SLC1A7: variants seen among roughly 807,000 people sequenced by gnomAD.
SLC1A7 encodes the protein excitatory amino acid transporter 5.
SLC1A7 carries 40 observed loss-of-function variants against 47.7 expected under a neutral mutation model. The observed-to-expected ratio is 0.84, with a 90% CI of 0.65 to 1.09. The LOEUF is 1.09. Among genes scored for constraint, SLC1A7 ranks in the 50% least tolerant of loss-of-function variants. SLC1A7 has a pLI of 0.00. For missense variants in SLC1A7, 746 were observed against 769.5 expected, an observed-to-expected ratio of 0.97 and a Z score of 0.36; for synonymous variants, 323 against 325.6, an observed-to-expected ratio of 0.99 and a Z score of 0.09.
intron 3 of SLC1A7, among the ~76,000 whole-genome samples, chr1:53,109,359 A>G (rs939833474): frequency 6.6e-6 from 1 of 152,194 alleles, no homozygotes; most frequent in Non-Finnish European, 1.5e-5. Flanking sequence ...TCGAAAAAAA[A>G]GAGAAGGGGC....
At chr1:53,089,727 C>T (rs1195699823) in intron 9 of SLC1A7, 73 bp downstream of exon 9, 29 of 1,530,332 alleles carry the variant, frequency 1.9e-5, no homozygotes, top group Non-Finnish European at 3.6e-6. Context: ...GACTCAGCCG[C>T]TCACCCTGAT....
chr1:53,141,540 G>T (rs1193140969), intron 1 of SLC1A7, among the ~76,000 whole-genome samples: 2 of 151,970 alleles, frequency 1.3e-5, no homozygotes, highest in African/African-American at 4.8e-5. Context: ...ACAGGGAAAG[G>T]GGCTCTTTCC....
intron 4 of SLC1A7, among the ~76,000 whole-genome samples, chr1:53,105,025 T>A (rs1557676117): frequency 6.6e-6 from 1 of 152,004 alleles, no homozygotes; most frequent in Non-Finnish European, 1.5e-5. Context: ...TTTTAAGAAA[T>A]ATTTCATAAC....
In SLC1A7 at chr1:53,088,999, G is replaced by A. The variant is rs901277354; in HGVS notation, c.1362-20C>T. On this transcript the variant is annotated intron_variant, in intron 9 of 10. Coordinates refer to ENST00000371494, the MANE Select transcript of SLC1A7 (RefSeq NM_006671.6). ...CGGTCCCTGGTGAGCCAAGGTTGGG[G>A]GTGAGTGGTGGGCACTTGAAGGGGA... 7.5e-6 allele frequency: 12 copies of A among 1,598,008 alleles called. No individual in the cohort carries two copies. The Admixed American group carries it at 8.3e-5, about 11-fold the overall frequency.
chr1:53,095,521 G>A (rs898785688), intron 5 of SLC1A7, among the ~76,000 whole-genome samples: 7 of 145,028 alleles, frequency 4.8e-5, no homozygotes, highest in African/African-American at 1.0e-4. Flanking sequence ...ACTCTGCCTC[G>A]TTACACTCAC....
At chr1:53,099,516 A>G (rs1285316181) in intron 5 of SLC1A7, among the ~76,000 whole-genome samples, 4 of 117,614 alleles carry the variant, frequency 3.4e-5, no homozygotes, top group Non-Finnish European at 5.6e-5. Context: ...CACTCACACC[A>G]CCTTGGTACA....
In SLC1A7 at chr1:53,089,933, T is replaced by C. The variant is rs771049177; in HGVS notation, c.1228A>G (p.Ile410Val). ...CCAATGCTGGCTGCAGTGGCTGTGA[T>C]ACTGCAGGGGGTGGGAAGGGGAAGA... ...LDFGQIITIS[I>V]TATAASIGAA... The change falls in exon 9 of 11, where the codon ATC becomes GTC. Residue 410 changes from isoleucine to valine, a missense_variant and splice_region_variant. By Grantham distance (29) the Ile-to-Val change is conservative. Coordinates refer to ENST00000371494, the MANE Select transcript of SLC1A7 (RefSeq NM_006671.6). The C allele has an allele frequency of 7.4e-6, 12 of 1,613,006 alleles. No homozygotes were observed. Among genetic ancestry groups the C allele is most frequent in the Non-Finnish European group, 1.0e-5 (12 of 1,179,720 alleles).
chr1:53,102,083 G>C (rs1199256781), intron 5 of SLC1A7, among the ~76,000 whole-genome samples: 2 of 152,226 alleles, frequency 1.3e-5, no homozygotes, highest in Non-Finnish European at 2.9e-5. Context: ...TATGTTCCCA[G>C]CCCTGAGAAA....
intron 1 of SLC1A7, among the ~76,000 whole-genome samples, chr1:53,139,855 A>C (rs186289813): frequency 3.8e-4 from 58 of 152,282 alleles, no homozygotes; most frequent in African/African-American, 1.4e-3. Flanking sequence ...AATTCTAGGA[A>C]GGAGGGAAAA....
chr1:53,101,383 C>A (rs1245314785), intron 5 of SLC1A7, among the ~76,000 whole-genome samples: 1 of 148,332 alleles, frequency 6.7e-6, no homozygotes, highest in East Asian at 2.0e-4. Context: ...CACACACTGC[C>A]CCATTACACT....
intron 5 of SLC1A7, among the ~76,000 whole-genome samples, chr1:53,101,835 A>ACACTCAGTACACTCACACGCC (rs1644586498): frequency 7.2e-6 from 1 of 139,254 alleles, no homozygotes. Flanking sequence ...ACTCACACGC[A>ACACTCAGTACACTCACACGCC]CACTCAGTAC....
chr1:53,128,496 T>C (rs1644907359), intron 2 of SLC1A7, among the ~76,000 whole-genome samples: 1 of 96,278 alleles, frequency 1.0e-5, no homozygotes, highest in African/African-American at 3.8e-5. Flanking sequence ...CAAAAAAGAA[T>C]AGGAATTCAT....
intron 2 of SLC1A7, among the ~76,000 whole-genome samples, chr1:53,129,962 C>T (rs1431711441): frequency 6.6e-6 from 1 of 152,158 alleles, no homozygotes; most frequent in East Asian, 1.9e-4. Context: ...TTGACAGTGG[C>T]TTTCTTGTTC....
chr1:53,132,362 G>A (rs1644950175), intron 2 of SLC1A7, among the ~76,000 whole-genome samples: 1 of 152,198 alleles, frequency 6.6e-6, no homozygotes, highest in African/African-American at 2.4e-5. Flanking sequence ...GGGTTGGGAG[G>A]AAGCTCCATT....
intron 6 of SLC1A7, 68 bp from the exon 7 acceptor site, chr1:53,092,855 T>A: frequency 9.7e-7 from 1 of 1,033,498 alleles, no homozygotes; most frequent in South Asian, 1.3e-5. Context: ...CAGCCCCGCA[T>A]CGCTGCGCGG....
At chr1:53,100,859 T>A (rs1420729896) in intron 5 of SLC1A7, among the ~76,000 whole-genome samples, 6 of 149,194 alleles carry the variant, frequency 4.0e-5, no homozygotes, top group Admixed American at 2.0e-4. Flanking sequence ...CCCGCCTCAG[T>A]ACACTCACAC....
chr1:53,135,853 C>T (rs908028596), intron 1 of SLC1A7, among the ~76,000 whole-genome samples: 2 of 151,982 alleles, frequency 1.3e-5, no homozygotes, highest in African/African-American at 4.8e-5. Flanking sequence ...TTTCAAACAT[C>T]ATCCAAGTTG....
Position 53,103,537 on chromosome 1 carries a change from G to A in SLC1A7, c.506C>T (p.Ser169Phe), listed in dbSNP as rs1557675233. 1.9e-6 allele frequency: 3 copies of A among 1,607,900 alleles called. No individual in the cohort carries two copies. Among genetic ancestry groups the A allele is most frequent in the Non-Finnish European group, 2.5e-6 (3 of 1,176,542 alleles). The stretch of plus-strand genomic sequence containing the variant: ...GGCCTCCTCTGGTGCCACCTTGGGG[G>A]ACTTGACAACTGGGGTGGTCTTGGT... ...YRTKTTPVVK[S>F]PKVAPEEAPP... The change falls in exon 5 of 11, where the codon TCC becomes TTC. Residue 169 changes from serine to phenylalanine, a missense_variant. By Grantham distance (155) the Ser-to-Phe change is radical (BLOSUM62 -2). Transcript: ENST00000371494.
At chr1:53,097,435 C>T (rs61769973) in intron 5 of SLC1A7, among the ~76,000 whole-genome samples, 1 of 137,266 alleles carries the variant, frequency 7.3e-6, no homozygotes, top group African/African-American at 2.6e-5. Flanking sequence ...CACACACCAC[C>T]TCGGTACACT....
Sources: allele counts gnomAD v4.1 joint callset (sites outside exome capture counted in the v4.1 genomes callset), GRCh38; gene constraint gnomAD v4.1.1; transcripts MANE v1.5; gene names NCBI Gene and HGNC (gene_info 2026-07-23, HGNC 2026-07-21).